Variants in GUCY1A2 observed in about 807,000 individuals in gnomAD.
GUCY1A2 encodes guanylate cyclase 1 soluble subunit alpha 2, also known as guanylate cyclase soluble subunit alpha-2.
In GUCY1A2, 27 loss-of-function variants were observed where a neutral mutation model predicts 63.5. The observed-to-expected ratio is 0.43, with a 90% CI of 0.31 to 0.59. The LOEUF (loss-of-function observed/expected upper bound fraction) is 0.59, where lower values mean the gene tolerates loss of function less well. Among genes scored for constraint, GUCY1A2 ranks in the 20% least tolerant of loss-of-function variants. The pLI, the probability that GUCY1A2 is intolerant of heterozygous loss-of-function variation, is 0.11. For missense variants in GUCY1A2, 768 were observed against 913.3 expected (o/e 0.84, Z 2.05); for synonymous variants, 364 against 343.5 (o/e 1.06, Z -0.66).
At chr11:106,932,352 T>A (rs10789553) in intron 4 of GUCY1A2, among the ~76,000 whole-genome samples, 1 of 151,756 alleles carries the variant, frequency 6.6e-6, no homozygotes, top group Non-Finnish European at 1.5e-5. Flanking sequence ...AAAGTAACTA[T>A]ACAGGAACAA....
At chr11:106,789,093 T>G in intron 5 of GUCY1A2, among the ~76,000 whole-genome samples, 1 of 152,344 alleles carries the variant, frequency 6.6e-6, no homozygotes, top group African/African-American at 2.4e-5. Flanking sequence ...TTCCATTTTT[T>G]GTGTCTTCTT....
chr11:106,960,266 A>G (rs1861042122), intron 3 of GUCY1A2, among the ~76,000 whole-genome samples: 1 of 152,120 alleles, frequency 6.6e-6, no homozygotes, highest in East Asian at 1.9e-4. Context: ...GGCAATTACT[A>G]AGATAAAGAT....
intron 5 of GUCY1A2, among the ~76,000 whole-genome samples, chr11:106,789,452 G>A (rs571975877): frequency 6.6e-6 from 1 of 152,236 alleles, no homozygotes; most frequent in East Asian, 1.9e-4. Flanking sequence ...CTGTCTGAAA[G>A]GTCACATATC....
At chr11:106,947,048 T>A (rs1349342272) in intron 3 of GUCY1A2, among the ~76,000 whole-genome samples, 1 of 151,890 alleles carries the variant, frequency 6.6e-6, no homozygotes, top group African/African-American at 2.4e-5. Context: ...GAAACCCATC[T>A]CTACTAAAAA....
intron 4 of GUCY1A2, among the ~76,000 whole-genome samples, chr11:106,870,861 A>T (rs1859667685): frequency 6.6e-6 from 1 of 152,038 alleles, no homozygotes; most frequent in South Asian, 2.1e-4. Context: ...ATTGCACTCA[A>T]CCTTAAATTC....
chr11:106,883,764 T>A (rs1039374755), intron 4 of GUCY1A2, among the ~76,000 whole-genome samples: 1 of 152,116 alleles, frequency 6.6e-6, no homozygotes, highest in East Asian at 1.9e-4. Context: ...ATAAATTATG[T>A]CCTCTTGAGC....
At chr11:106,915,353 T>C (rs1444260426) in intron 4 of GUCY1A2, among the ~76,000 whole-genome samples, 2 of 152,008 alleles carry the variant, frequency 1.3e-5, no homozygotes, top group Admixed American at 6.6e-5. Flanking sequence ...GAGGGAGGGA[T>C]TGGGCATACT....
At position 106,901,667 on chromosome 11, in the gene GUCY1A2, T is replaced by C. The variant is rs1368121249; in HGVS notation, c.1206+37793A>G. Among the ~76,000 whole-genome samples, 3 of 127,530 alleles carry C rather than the reference T, an allele frequency of 2.4e-5. No individual in the cohort carries two copies. In the East Asian group the frequency reaches 8.2e-4, roughly 35 times the overall value. The allele number at this position is 127,530 out of a possible 152,430, so 83.7% of individuals were successfully genotyped here. On this transcript the variant is annotated intron_variant, in intron 4 of 7. Coordinates refer to ENST00000526355, the MANE Select transcript of GUCY1A2 (RefSeq NM_000855.3). The stretch of plus-strand genomic sequence containing the variant: ...CCACCCCACAACAGGCCTCGGTGTG[T>C]GATGTTCCCCTTCCTGTGTCCAAGT...
Position 107,018,099 on chromosome 11 carries a change from C to A in GUCY1A2, c.-44G>T. On this transcript the variant is annotated 5_prime_UTR_variant, in exon 1 of 8. Coordinates refer to ENST00000526355, the MANE Select transcript of GUCY1A2 (RefSeq NM_000855.3). ...GCGGCCGAGGCGGTGGCGGCGAGGA[C>A]GCGAGCGGCGGCGGAGGCGGCGGTG... 7.6e-7 allele frequency: 1 copy of A among 1,317,380 alleles called. No homozygotes were observed. The highest frequency in any genetic ancestry group is 1.0e-6 in the Non-Finnish European group (1 of 1,003,092). The allele number at this position is 1,317,380 out of a possible 1,614,324, so 81.6% of individuals were successfully genotyped here.
intron 4 of GUCY1A2, among the ~76,000 whole-genome samples, chr11:106,819,497 G>A (rs147148298): frequency 1.3e-5 from 2 of 152,182 alleles, no homozygotes; most frequent in East Asian, 3.9e-4. Flanking sequence ...TCAGTCAGTA[G>A]CCATTTACAT....
At chr11:106,744,373 A>G (rs547168754) in intron 6 of GUCY1A2, among the ~76,000 whole-genome samples, 4 of 151,354 alleles carry the variant, frequency 2.6e-5, no homozygotes, top group Admixed American at 1.3e-4. Flanking sequence ...CAGCCTCCTG[A>G]GTAGCTGGGA....
At chr11:106,746,673 A>T in intron 6 of GUCY1A2, 1 of 1,270,472 alleles carries the variant, frequency 7.9e-7, no homozygotes, top group Admixed American at 1.9e-5. Context: ...ACACCAAGTG[A>T]ATCAAGGGAC....
chr11:106,898,720 A>G (rs2135483242), intron 4 of GUCY1A2, among the ~76,000 whole-genome samples: 1 of 152,326 alleles, frequency 6.6e-6, no homozygotes, highest in African/African-American at 2.4e-5. Context: ...AGGAATAGAC[A>G]GAGCACAGAG....
intron 6 of GUCY1A2, among the ~76,000 whole-genome samples, chr11:106,734,191 T>G (rs1433010792): frequency 6.6e-6 from 1 of 151,666 alleles, no homozygotes; most frequent in African/African-American, 2.4e-5. Flanking sequence ...CCCACACACA[T>G]CCACATACCA....
chr11:106,792,655 T>C (rs1311790019), intron 5 of GUCY1A2, among the ~76,000 whole-genome samples: 3 of 131,528 alleles, frequency 2.3e-5, no homozygotes, highest in Admixed American at 8.1e-5. Context: ...CCAAAGCCAA[T>C]ATCATACTGA....
At chr11:106,933,291 G>A (rs1214200872) in intron 4 of GUCY1A2, among the ~76,000 whole-genome samples, 1 of 151,856 alleles carries the variant, frequency 6.6e-6, no homozygotes, top group African/African-American at 2.4e-5. Flanking sequence ...CAAAATACAT[G>A]AACAGACATT....
intron 4 of GUCY1A2, among the ~76,000 whole-genome samples, chr11:106,820,741 T>C (rs548002534): frequency 6.6e-6 from 1 of 152,174 alleles, no homozygotes; most frequent in East Asian, 1.9e-4. Flanking sequence ...GCAGAAAAGA[T>C]TTGCCTTTTT....
chr11:106,909,908 A>G (rs1272977968), intron 4 of GUCY1A2, among the ~76,000 whole-genome samples: 1 of 151,986 alleles, frequency 6.6e-6, no homozygotes, highest in East Asian at 1.9e-4. Flanking sequence ...ATTGCCCACA[A>G]CTTTGTGGGC....
At chr11:106,813,843 C>T (rs770032251) in intron 4 of GUCY1A2, among the ~76,000 whole-genome samples, 3 of 152,024 alleles carry the variant, frequency 2.0e-5, no homozygotes, top group Non-Finnish European at 4.4e-5. Flanking sequence ...CTTGCTATTG[C>T]CCATGTACTG....
Sources: allele counts gnomAD v4.1 joint callset (sites outside exome capture counted in the v4.1 genomes callset), GRCh38; gene constraint gnomAD v4.1.1; transcripts MANE v1.5; gene names NCBI Gene and HGNC (gene_info 2026-07-23, HGNC 2026-07-21).